Variants in CCDC178 observed in about 807,000 individuals in gnomAD.
CCDC178 encodes the protein coiled-coil domain-containing protein 178.
A neutral mutation model predicts 117.4 loss-of-function variants in CCDC178; 126 were observed. The ratio of observed to expected loss-of-function variants is 1.07; its 90% CI spans 0.93 to 1.24. CCDC178 has a LOEUF of 1.24. Ranked by LOEUF, CCDC178 falls within the 50% of genes most tolerant of loss-of-function variation. The pLI is 0.00. For synonymous variants in CCDC178, 283 were observed against 313.4 expected, an observed-to-expected ratio of 0.90 and a Z score of 1.02; for missense variants, 1,030 against 986.9, an observed-to-expected ratio of 1.04 and a Z score of -0.59.
chr18:33,368,232 T>C (rs4239377), intron 6 of CCDC178, among the ~76,000 whole-genome samples: 146,038 of 151,998 alleles, frequency 0.96, 70,425 homozygotes, highest in Middle Eastern at 1. Context: ...TTATTAAATG[T>C]CTAGAAAATA....
chr18:33,191,130 G>A (rs1285537794), intron 20 of CCDC178, among the ~76,000 whole-genome samples: 2 of 152,078 alleles, frequency 1.3e-5, no homozygotes, highest in Non-Finnish European at 2.9e-5. Flanking sequence ...TAAGAAATTA[G>A]ATTACCACAT....
intron 21 of CCDC178, among the ~76,000 whole-genome samples, chr18:33,012,919 T>C (rs2055901261): frequency 6.6e-6 from 1 of 152,166 alleles, no homozygotes; most frequent in Non-Finnish European, 1.5e-5. Context: ...TATGCAACTG[T>C]TTCTTACACA....
At chr18:33,344,123 C>T (rs7234032) in intron 9 of CCDC178, among the ~76,000 whole-genome samples, 64,221 of 148,882 alleles carry the variant, frequency 0.43, 15,160 homozygotes, top group African/African-American at 0.64. Flanking sequence ...GCTAACAAGG[C>T]GAAACCCCGT....
chr18:33,420,215 A>G (rs2064005111), intron 2 of CCDC178, among the ~76,000 whole-genome samples: 2 of 152,240 alleles, frequency 1.3e-5, no homozygotes, highest in Middle Eastern at 3.4e-3. Flanking sequence ...CAAATATCAC[A>G]TGTTCTCACT....
intron 22 of CCDC178, among the ~76,000 whole-genome samples, chr18:32,941,413 C>A (rs1020869215): frequency 5.9e-5 from 9 of 151,950 alleles, no homozygotes; most frequent in African/African-American, 9.7e-5. Context: ...AAGTAGGGAA[C>A]AATTGAACAG....
At chr18:33,066,525 A>G (rs976068085) in intron 21 of CCDC178, among the ~76,000 whole-genome samples, 1 of 152,228 alleles carries the variant, frequency 6.6e-6, no homozygotes, top group African/African-American at 2.4e-5. Context: ...AATATAAAAA[A>G]TTAAATTCCT....
chr18:33,397,392 T>G (rs988516734), intron 3 of CCDC178, among the ~76,000 whole-genome samples, 184 bp from the exon 4 acceptor site: 3 of 152,168 alleles, frequency 2.0e-5, no homozygotes, highest in South Asian at 2.1e-4. Context: ...ATGGTGTTTC[T>G]CTGCAAAAGG....
intron 21 of CCDC178, among the ~76,000 whole-genome samples, chr18:33,024,722 C>T (rs1046279265): frequency 8.6e-5 from 13 of 151,834 alleles, no homozygotes; most frequent in African/African-American, 3.1e-4. Context: ...CGGCTCACTG[C>T]AAGCTCCACC....
chr18:33,039,520 C>A (rs779235691), intron 21 of CCDC178, among the ~76,000 whole-genome samples: 31 of 152,064 alleles, frequency 2.0e-4, no homozygotes, highest in Middle Eastern at 3.4e-3. Context: ...CTGCATGAGG[C>A]CCCTATGCAT....
At chr18:33,344,310 C>CAAAAAAAAA (rs58987470) in intron 9 of CCDC178, among the ~76,000 whole-genome samples, 2 of 80,780 alleles carry the variant, frequency 2.5e-5, no homozygotes, top group Non-Finnish European at 2.4e-5. Flanking sequence ...GACTCCGTCT[C>CAAAAAAAAA]AAAAAAAAAA....
chr18:33,302,623 C>T (rs1243256062), intron 11 of CCDC178, among the ~76,000 whole-genome samples: 3 of 152,012 alleles, frequency 2.0e-5, no homozygotes, highest in Admixed American at 6.6e-5. Context: ...CTAGGTGTCC[C>T]GGTGAATGAA....
chr18:32,966,851 C>A (rs1188982335), intron 22 of CCDC178, among the ~76,000 whole-genome samples: 1 of 151,706 alleles, frequency 6.6e-6, no homozygotes, highest in Non-Finnish European at 1.5e-5. Context: ...GTCTTTCTGG[C>A]ATTGTTTAGT....
Position 33,323,582 on chromosome 18 carries a change from C to T in CCDC178, c.931G>A (p.Ala311Thr), listed in dbSNP as rs1336256284. ...VNEELEEALEACENARLKAQQ... is the reference protein window; with the variant it reads ...VNEELEEALETCENARLKAQQ... ...GCCTTCAATCTGGCATTTTCACAGG[C>T]TTCTAAAGCTTCTTCAAGTTCTTCA... The change falls in exon 11 of 23, where the codon GCC (alanine) becomes ACC (threonine). Residue 311 changes from alanine (A) to threonine (T), a missense_variant. Coordinates refer to ENST00000383096, the MANE Select transcript of CCDC178 (RefSeq NM_001105528.4). 1 of 1,561,396 alleles carries T rather than the reference C, an allele frequency of 6.4e-7. No individual in the cohort carries two copies. The highest frequency in any genetic ancestry group is 1.4e-5 in the African/African-American group (1 of 72,534).
chr18:33,017,533 T>C (rs1047429106), intron 21 of CCDC178, among the ~76,000 whole-genome samples: 9 of 151,960 alleles, frequency 5.9e-5, no homozygotes, highest in Non-Finnish European at 1.2e-4. Context: ...ATCTACAGGT[T>C]TAAAATAATC....
At chr18:32,994,642 C>T (rs544654596) in intron 21 of CCDC178, among the ~76,000 whole-genome samples, 5 of 152,066 alleles carry the variant, frequency 3.3e-5, no homozygotes, top group Non-Finnish European at 4.4e-5. Flanking sequence ...TAAAATTAAC[C>T]TACAATAATC....
chr18:33,382,994 AGGG>A (rs113039076), intron 5 of CCDC178, among the ~76,000 whole-genome samples: 20 of 151,544 alleles, frequency 1.3e-4, no homozygotes, highest in African/African-American at 4.6e-4. Flanking sequence ...AGGCAGGGGC[AGGG>A]GGAGGGGATA....
rs148196268 is a variant in CCDC178 at position 33,144,486 on chromosome 18, G to A, written c.2239-51576C>T. ...GTTAAAGATATTATAATATTATAGTGCTAGCAGAAGCAGCTCGATTCAATG... is the reference window on the plus strand; with the variant it reads ...GTTAAAGATATTATAATATTATAGTACTAGCAGAAGCAGCTCGATTCAATG... On this transcript the variant is annotated intron_variant, in intron 20 of 22. Transcript: ENST00000383096. Among the ~76,000 whole-genome samples the A allele has an allele frequency of 2.3e-3, 348 of 152,052 alleles. 2 individuals carry two copies. Among genetic ancestry groups the A allele is most frequent in the African/African-American group, 7.7e-3 (319 of 41,520 alleles).
chr18:33,187,873 G>C (rs1175123289), intron 20 of CCDC178, among the ~76,000 whole-genome samples: 3 of 152,102 alleles, frequency 2.0e-5, no homozygotes, highest in Non-Finnish European at 4.4e-5. Context: ...GCCAGTCTCA[G>C]GGAGATCAGA....
chr18:33,090,596 G>A (rs964824323), intron 21 of CCDC178, among the ~76,000 whole-genome samples: 2 of 152,096 alleles, frequency 1.3e-5, no homozygotes, highest in East Asian at 1.9e-4. Context: ...TGCATTAGAC[G>A]CTAATGACAT....
Sources: allele counts gnomAD v4.1 joint callset (sites outside exome capture counted in the v4.1 genomes callset), GRCh38; gene constraint gnomAD v4.1.1; transcripts MANE v1.5; gene names NCBI Gene and HGNC (gene_info 2026-07-23, HGNC 2026-07-21).